Variants in MYO3B observed in about 807,000 individuals in gnomAD.
MYO3B encodes myosin IIIB.
Under a neutral mutation model 174.6 loss-of-function variants are expected in MYO3B, and 156 were observed. The observed-to-expected ratio is 0.89, with a 90% CI of 0.78 to 1.02. MYO3B has a LOEUF of 1.02. Ranked by LOEUF, MYO3B falls within the 50% of genes least tolerant of loss-of-function variation. The pLI, the probability that MYO3B is intolerant of heterozygous loss-of-function variation, is 0.00. For missense variants in MYO3B, 1,632 were observed against 1,639.4 expected (o/e 1.00, Z 0.08); for synonymous variants, 563 against 569.1 (o/e 0.99, Z 0.15).
chr2:170,285,854 C>G (rs948587712), intron 7 of MYO3B, among the ~76,000 whole-genome samples: 2 of 147,578 alleles, frequency 1.4e-5, no homozygotes, highest in African/African-American at 5.0e-5. Flanking sequence ...CACTTAAGGT[C>G]TTTAATTCAT....
chr2:170,440,293 A>G (rs1185087919), intron 22 of MYO3B, among the ~76,000 whole-genome samples: 1 of 152,080 alleles, frequency 6.6e-6, no homozygotes. Flanking sequence ...TATGAATTTT[A>G]GGATATTTTT....
intron 25 of MYO3B, among the ~76,000 whole-genome samples, chr2:170,482,016 T>A (rs1685720245): frequency 6.6e-6 from 1 of 152,220 alleles, no homozygotes; most frequent in Admixed American, 6.5e-5. Context: ...CATCTTGAAT[T>A]CCCATGTGTT....
chr2:170,443,868 A>C (rs532480091), intron 22 of MYO3B, 99 bp from the exon 23 acceptor site: 1 of 946,336 alleles, frequency 1.1e-6, no homozygotes, highest in South Asian at 2.6e-5. Flanking sequence ...GATTGTTTTG[A>C]AAATTCAGAA....
chr2:170,484,645 G>A (rs1015127287), intron 25 of MYO3B, among the ~76,000 whole-genome samples: 1 of 152,112 alleles, frequency 6.6e-6, no homozygotes, highest in Non-Finnish European at 1.5e-5. Flanking sequence ...TATAATTTCA[G>A]GACTTTTTCT....
chr2:170,223,188 C>G (rs149629360), intron 6 of MYO3B, among the ~76,000 whole-genome samples: 150 of 152,218 alleles, frequency 9.9e-4, no homozygotes, highest in African/African-American at 3.5e-3. Context: ...TTCCTTGAAC[C>G]TTCTCTTTAC....
At chr2:170,385,785 A>G (rs73018923) in intron 12 of MYO3B, 2,989 of 156,598 alleles carry the variant, frequency 0.019, 116 homozygotes, top group African/African-American at 0.068. Context: ...ATATTGGTAT[A>G]GTCCCTAGGA....
chr2:170,560,492 G>A (rs1691634951), intron 32 of MYO3B, among the ~76,000 whole-genome samples: 1 of 152,190 alleles, frequency 6.6e-6, no homozygotes, highest in Admixed American at 6.5e-5. Flanking sequence ...TATACGTGAA[G>A]ACTCAGTGTT....
rs1170563425 is a variant in MYO3B at position 170,392,424 on chromosome 2, T to G, written c.1720T>G (p.Ser574Ala). Residue 574 changes from serine (S) to alanine (A), a missense_variant, in exon 16 of 35, where the codon TCC becomes GCC. Physicochemically the swap from Ser to Ala is moderately conservative, Grantham distance 99. Transcript: ENST00000408978. ...TGGAAGGGTGATGCACGACATAACTTCCAAGGAGTCTTACAGAAGACAATT... is the reference window on the plus strand; with the variant it reads ...TGGAAGGGTGATGCACGACATAACTGCCAAGGAGTCTTACAGAAGACAATT... ...ETGRVMHDITSKESYRRQFEA... is the reference protein window; with the variant it reads ...ETGRVMHDITAKESYRRQFEA... The G allele has an allele frequency of 1.2e-6, 2 of 1,601,752 alleles. No homozygotes were observed. The highest frequency in any genetic ancestry group is 2.3e-5 in the South Asian group (2 of 88,160).
intron 32 of MYO3B, among the ~76,000 whole-genome samples, chr2:170,625,751 G>A (rs1453783677): frequency 4.6e-5 from 7 of 152,140 alleles, no homozygotes; most frequent in Admixed American, 2.6e-4. Flanking sequence ...CTGGTATGTT[G>A]TGTCTTTGTT....
chr2:170,512,943 G>A (rs137968441), intron 28 of MYO3B, among the ~76,000 whole-genome samples: 6 of 152,180 alleles, frequency 3.9e-5, no homozygotes, highest in South Asian at 2.1e-4. Context: ...TAAAGTAGTC[G>A]CTCTCTTTTA....
chr2:170,632,731 T>G (rs537923749), intron 32 of MYO3B, among the ~76,000 whole-genome samples: 85 of 152,184 alleles, frequency 5.6e-4, no homozygotes, highest in Middle Eastern at 3.4e-3. Flanking sequence ...ATTGATAGAC[T>G]GCTAGCAAGA....
At chr2:170,225,177 T>G (rs1456317752) in intron 6 of MYO3B, among the ~76,000 whole-genome samples, 2 of 152,262 alleles carry the variant, frequency 1.3e-5, no homozygotes, top group Admixed American at 6.5e-5. Context: ...GTGAGTTGTG[T>G]GTATTAACTC....
At chr2:170,580,922 T>C (rs1262339206) in intron 32 of MYO3B, among the ~76,000 whole-genome samples, 1 of 151,922 alleles carries the variant, frequency 6.6e-6, no homozygotes. Flanking sequence ...ATTCTCTTTT[T>C]TATTGTCATT....
At chr2:170,511,096 G>T in intron 28 of MYO3B, among the ~76,000 whole-genome samples, 1 of 141,160 alleles carries the variant, frequency 7.1e-6, no homozygotes. Context: ...GTCTCACTCT[G>T]TCGCCTAGGC....
rs73016925 is a variant in MYO3B, at chr2:170,320,390, G to A, written c.750-14995G>A. On this transcript the variant is annotated intron_variant, in intron 7 of 34. Coordinates refer to ENST00000408978, the MANE Select transcript of MYO3B (RefSeq NM_138995.5). ...GAAAATATAAGAAGTATATTTATTTGTGGCATCACGTTCATAAAGCAGAAG... is the reference window on the plus strand; with the variant it reads ...GAAAATATAAGAAGTATATTTATTTATGGCATCACGTTCATAAAGCAGAAG... Among the ~76,000 whole-genome samples the A allele has an allele frequency of 6.0e-3, 919 of 152,264 alleles. 14 individuals carry two copies. Among genetic ancestry groups the A allele is most frequent in the African/African-American group, 0.021 (869 of 41,564 alleles).
intron 7 of MYO3B, among the ~76,000 whole-genome samples, chr2:170,321,101 A>G (rs2093822564): frequency 6.6e-6 from 1 of 152,106 alleles, no homozygotes; most frequent in African/African-American, 2.4e-5. Flanking sequence ...CCCATCTGCT[A>G]AAAAAATCGA....
chr2:170,429,171 T>A (rs1448309759), intron 22 of MYO3B, among the ~76,000 whole-genome samples: 3 of 152,206 alleles, frequency 2.0e-5, no homozygotes, highest in African/African-American at 7.2e-5. Flanking sequence ...ATTTTTTAAT[T>A]TGCAGTGATC....
chr2:170,194,364 G>C (rs1242940662), intron 1 of MYO3B, among the ~76,000 whole-genome samples: 5 of 152,024 alleles, frequency 3.3e-5, no homozygotes. Context: ...ATTTAGCCAG[G>C]TGTGGTAGTG....
chr2:170,536,485 G>T (rs556596714), intron 30 of MYO3B, among the ~76,000 whole-genome samples: 35 of 152,212 alleles, frequency 2.3e-4, no homozygotes, highest in South Asian at 6.2e-4. Flanking sequence ...ATCCAAACCT[G>T]ATGAGAAAAA....
Sources: gnomAD v4.1 joint callset for allele counts (sites outside exome capture counted in the v4.1 genomes callset) on GRCh38, gnomAD v4.1.1 for gene constraint, MANE v1.5 for transcripts, NCBI Gene and HGNC (gene_info 2026-07-23, HGNC 2026-07-21) for gene names.